The following EYS variants were observed in gnomAD, a reference collection of about 807,000 sequenced individuals.
The protein encoded by EYS is protein eyes shut homolog.
In EYS, 250 loss-of-function variants were observed where a neutral mutation model predicts 282.1. The ratio of observed to expected loss-of-function variants is 0.89; its 90% CI spans 0.80 to 0.98. The LOEUF is 0.98. Ranked by LOEUF, EYS falls within the 50% of genes least tolerant of loss-of-function variation. EYS has a pLI of 0.00. For missense variants in EYS, 4,016 were observed against 3,709.0 expected (o/e 1.08, Z -2.15); for synonymous variants, 1,355 against 1,282.9 (o/e 1.06, Z -1.20).
At chr6:63,918,877 C>T (rs1001251662) in intron 35 of EYS, among the ~76,000 whole-genome samples, 5 of 152,186 alleles carry the variant, frequency 3.3e-5, no homozygotes, top group African/African-American at 4.8e-5. Context: ...GCAAAGTACA[C>T]ATTCCTTATT....
intron 14 of EYS, among the ~76,000 whole-genome samples, chr6:64,985,669 A>G (rs960433081): frequency 6.6e-6 from 1 of 151,602 alleles, no homozygotes; most frequent in African/African-American, 2.4e-5. Context: ...TGTTAGACAA[A>G]CTATTGGACA....
intron 8 of EYS, among the ~76,000 whole-genome samples, chr6:65,379,969 G>A (rs1307173099): frequency 1.3e-5 from 2 of 151,972 alleles, no homozygotes; most frequent in Admixed American, 1.3e-4. Flanking sequence ...AATAAGAGAT[G>A]ACACAAACAA....
chr6:64,434,039 GA>G (rs1172228995), intron 28 of EYS, among the ~76,000 whole-genome samples: 1 of 151,978 alleles, frequency 6.6e-6, no homozygotes, highest in Non-Finnish European at 1.5e-5. Flanking sequence ...ACTATATTTG[GA>G]AATAGGGTCT....
rs567873441 is a variant in EYS, at chr6:63,752,387, A to G, written c.8071+10074T>C. 1.9e-3 allele frequency among the ~76,000 whole-genome samples: 282 copies of G among 152,196 alleles called. 1 individual carries two copies. Among genetic ancestry groups the G allele is most frequent in the Non-Finnish European group, 3.3e-3 (227 of 67,996 alleles). On this transcript the variant is annotated intron_variant, in intron 41 of 42. Transcript: ENST00000503581. Reference sequence around the variant, plus strand: ...TAGTACTATGAATATTATGCCTATAATATTATTACAGCCTTTATTGTGTGT... The same window carrying G: ...TAGTACTATGAATATTATGCCTATAGTATTATTACAGCCTTTATTGTGTGT...
intron 33 of EYS, among the ~76,000 whole-genome samples, chr6:64,030,542 T>A (rs908918026): frequency 6.6e-6 from 1 of 151,330 alleles, no homozygotes; most frequent in African/African-American, 2.4e-5. Context: ...GTGTTGTTTT[T>A]ACACTAACCA....
chr6:63,847,708 AT>A, intron 36 of EYS, among the ~76,000 whole-genome samples: 1 of 152,278 alleles, frequency 6.6e-6, no homozygotes, highest in Admixed American at 6.5e-5. Flanking sequence ...CTACTTTGGA[AT>A]TTTCCAATTA....
chr6:63,849,929 T>C (rs1012048214), intron 36 of EYS, among the ~76,000 whole-genome samples: 2 of 152,100 alleles, frequency 1.3e-5, no homozygotes, highest in Non-Finnish European at 2.9e-5. Context: ...AGAACCTTGA[T>C]AAATGGTTAG....
At chr6:64,831,099 C>T (rs1210224978) in intron 19 of EYS, among the ~76,000 whole-genome samples, 2 of 151,962 alleles carry the variant, frequency 1.3e-5, no homozygotes, top group African/African-American at 4.8e-5. Context: ...CTTCTCTTTC[C>T]CCTCGCAGGC....
At chr6:65,609,066 T>C (rs948014918) in intron 2 of EYS, among the ~76,000 whole-genome samples, 1 of 152,080 alleles carries the variant, frequency 6.6e-6, no homozygotes, top group Non-Finnish European at 1.5e-5. Context: ...AATACACAAA[T>C]CAATAACATA....
In EYS at chr6:65,208,936, A is replaced by G. The variant is rs184245659; in HGVS notation, c.2023+86927T>C. Among the ~76,000 whole-genome samples the G allele has an allele frequency of 3.9e-5, 6 of 151,990 alleles. No individual in the cohort carries two copies. The East Asian group carries it at 9.7e-4, about 24-fold the overall frequency. Reference sequence around the variant, plus strand: ...AACCTACTCACGTGCATCCTGAATAAAATAATATTGTAAGATATATTACTC... The same window carrying G: ...AACCTACTCACGTGCATCCTGAATAGAATAATATTGTAAGATATATTACTC... On this transcript the variant is annotated intron_variant, in intron 12 of 42. Coordinates refer to ENST00000503581, the MANE Select transcript of EYS (RefSeq NM_001142800.2).
At chr6:65,133,281 CA>C (rs912105009) in intron 12 of EYS, among the ~76,000 whole-genome samples, 9 of 151,412 alleles carry the variant, frequency 5.9e-5, no homozygotes, top group Admixed American at 6.6e-5. Context: ...AAAACAAAAA[CA>C]AAAAAAGCAA....
At chr6:64,830,618 T>C (rs769895247) in intron 19 of EYS, among the ~76,000 whole-genome samples, 1 of 152,028 alleles carries the variant, frequency 6.6e-6, no homozygotes, top group East Asian at 2.0e-4. Context: ...TCAGATGCAG[T>C]ACCAAGATCA....
chr6:64,206,602 G>A (rs555947049), intron 31 of EYS, among the ~76,000 whole-genome samples: 29 of 152,132 alleles, frequency 1.9e-4, no homozygotes, highest in Non-Finnish European at 2.2e-4. Flanking sequence ...TTACAACATC[G>A]AAAGATGGGA....
At chr6:65,016,065 G>GA (rs1422090163) in intron 13 of EYS, among the ~76,000 whole-genome samples, 5 of 112,988 alleles carry the variant, frequency 4.4e-5, no homozygotes, top group Admixed American at 9.6e-5. Context: ...GAAAAGAAAA[G>GA]AAAAAGAAAA....
chr6:65,689,987 TAA>T (rs904078520), intron 1 of EYS, among the ~76,000 whole-genome samples: 11 of 149,908 alleles, frequency 7.3e-5, no homozygotes, highest in African/African-American at 2.7e-4. Context: ...CATTTATTAC[TAA>T]GTTTAGTGAG....
At chr6:64,624,458 T>C (rs953850465) in intron 23 of EYS, among the ~76,000 whole-genome samples, 3 of 152,202 alleles carry the variant, frequency 2.0e-5, no homozygotes, top group African/African-American at 7.2e-5. Flanking sequence ...AAGATATTTT[T>C]TGCTTGAAAG....
At chr6:63,950,047 C>T (rs1365230839) in intron 35 of EYS, among the ~76,000 whole-genome samples, 1 of 152,068 alleles carries the variant, frequency 6.6e-6, no homozygotes, top group Non-Finnish European at 1.5e-5. Context: ...GTGGCAGGCA[C>T]CTGTAATACC....
chr6:65,466,304 G>A (rs1764996835), intron 5 of EYS, among the ~76,000 whole-genome samples: 1 of 151,764 alleles, frequency 6.6e-6, no homozygotes, highest in East Asian at 1.9e-4. Flanking sequence ...TTCAGTTAAA[G>A]AGATATTTCA....
chr6:65,310,123 C>T (rs1193301613), intron 11 of EYS, among the ~76,000 whole-genome samples: 5 of 152,100 alleles, frequency 3.3e-5, no homozygotes, highest in East Asian at 1.9e-4. Flanking sequence ...GTAGACAGAT[C>T]ACTTGAGGTC....
Sources: allele counts gnomAD v4.1 joint callset (sites outside exome capture counted in the v4.1 genomes callset), GRCh38; gene constraint gnomAD v4.1.1; transcripts MANE v1.5; gene names NCBI Gene and HGNC (gene_info 2026-07-23, HGNC 2026-07-21).